Variants in RBBP6 observed in about 807,000 individuals in gnomAD.
RBBP6 encodes the protein RB binding protein 6, ubiquitin ligase.
RBBP6 carries 25 observed loss-of-function variants against 167.7 expected under a neutral mutation model. The observed-to-expected ratio is 0.15, with a 90% CI of 0.11 to 0.21. The LOEUF (loss-of-function observed/expected upper bound fraction) is 0.21, where lower values mean the gene tolerates loss of function less well. RBBP6 is among the 10% of genes least tolerant of loss of function. The probability of loss-of-function intolerance (pLI) is 1.00; values close to 1 mark genes in which losing one functional copy is unlikely to be tolerated. For synonymous variants in RBBP6, 789 were observed against 735.8 expected (o/e 1.07, Z -1.17); for missense variants, 1,868 against 2,134.2 (o/e 0.88, Z 2.46).
intron 10 of RBBP6, among the ~76,000 whole-genome samples, chr16:24,562,652 T>C (rs1002745991): frequency 6.6e-6 from 1 of 151,748 alleles, no homozygotes; most frequent in Non-Finnish European, 1.5e-5. Context: ...AATGAGACTT[T>C]TGTCCATGTA....
intron 1 of RBBP6, among the ~76,000 whole-genome samples, chr16:24,542,120 T>C (rs558476269): frequency 2.0e-5 from 3 of 152,310 alleles, no homozygotes; most frequent in African/African-American, 7.2e-5. Context: ...TCATACCCTT[T>C]GATAATTGGA....
At chr16:24,550,672 G>A (rs1251755324) in intron 3 of RBBP6, among the ~76,000 whole-genome samples, 1 of 150,808 alleles carries the variant, frequency 6.6e-6, no homozygotes, top group Non-Finnish European at 1.5e-5. Context: ...TGTGTGTTCC[G>A]GCATGTCTGT....
chr16:24,571,504 A>G lies in RBBP6; in HGVS notation c.4438A>G (p.Arg1480Gly), dbSNP rs780964432. Residue 1480 changes from arginine to glycine, a missense_variant, in exon 18 of 18, where the codon AGA (arginine) becomes GGA (glycine). Transcript: ENST00000319715. Reference sequence around the variant, plus strand: ...AGACAAAAAAACTGACTATGACACCAGAGAGTATTCAAGTTCCAAACGTAG... The same window carrying G: ...AGACAAAAAAACTGACTATGACACCGGAGAGTATTCAAGTTCCAAACGTAG... ...NRDKKTDYDT[R>G]EYSSSKRRDE... is the part of the protein sequence containing the mutation. 5 of 1,613,296 alleles carry G rather than the reference A, an allele frequency of 3.1e-6. No individual in the cohort carries two copies. Among genetic ancestry groups the G allele is most frequent in the Non-Finnish European group, 4.2e-6 (5 of 1,179,846 alleles).
At chr16:24,559,822 G>A (rs951961272) in intron 8 of RBBP6, 145 bp downstream of exon 8, 18 of 658,888 alleles carry the variant, frequency 2.7e-5, no homozygotes, top group Admixed American at 8.4e-5. Context: ...GTAGTGAGAA[G>A]TCTGTTTTTC....
At position 24,567,131 on chromosome 16, in the gene RBBP6, T is replaced by C. The variant is rs753065127; in HGVS notation, c.1590-12T>C. On this transcript the variant is annotated splice_polypyrimidine_tract_variant and intron_variant, in intron 14 of 17. Coordinates refer to ENST00000319715, the MANE Select transcript of RBBP6 (RefSeq NM_006910.5). ...GTTTGAAGAAGTAATATCTTGGAAT[T>C]TATTTTTCCAGAAGTATAAACCGTG... 1.1e-5 allele frequency: 17 copies of C among 1,601,988 alleles called. No individual in the cohort carries two copies. Among genetic ancestry groups the C allele is most frequent in the Non-Finnish European group, 1.4e-5 (16 of 1,170,946 alleles).
chr16:24,551,689 T>C (rs191137216), intron 3 of RBBP6, among the ~76,000 whole-genome samples: 2 of 151,840 alleles, frequency 1.3e-5, no homozygotes, highest in East Asian at 3.9e-4. Flanking sequence ...TTTTTTTTTA[T>C]TCTTAAGTTT....
intron 1 of RBBP6, among the ~76,000 whole-genome samples, chr16:24,543,835 T>TG (rs1294185534): frequency 6.6e-6 from 1 of 152,170 alleles, no homozygotes; most frequent in Non-Finnish European, 1.5e-5. Context: ...AAATGACCCT[T>TG]GTCACCTTTC....
chr16:24,562,365 G>A (rs557086009), intron 10 of RBBP6, among the ~76,000 whole-genome samples: 96 of 152,238 alleles, frequency 6.3e-4, no homozygotes, highest in Non-Finnish European at 1.2e-3. Context: ...AGCATCCTGA[G>A]GTCAAATACT....
At chr16:24,548,728 A>G (rs1898726254) in intron 2 of RBBP6, among the ~76,000 whole-genome samples, 1 of 152,146 alleles carries the variant, frequency 6.6e-6, no homozygotes. Flanking sequence ...CCTAGTATGG[A>G]ATTTTTTTCC....
chr16:24,570,216 G>A lies in RBBP6; in HGVS notation c.3526G>A (p.Val1176Met), dbSNP rs1230206395. The A allele has an allele frequency of 6.2e-7, 1 of 1,612,702 alleles. No individual in the cohort carries two copies. The highest frequency in any genetic ancestry group is 8.5e-7 in the Non-Finnish European group (1 of 1,179,726). The change falls in exon 17 of 18, where the codon GTG (valine) becomes ATG (methionine). Residue 1176 changes from valine (V) to methionine (M), a missense_variant. By Grantham distance (21) the Val-to-Met change is conservative. Around this residue, in one of 7 missense-constraint regions of RBBP6, gnomAD observed 673 missense variants for 691.5 expected, o/e 0.97. Transcript: ENST00000319715. ...CTCGAAACTAGAAGTGACTGAAATA[G>A]TGAAACCATCACCAAAGCGCAAAAT... is the stretch of plus-strand genomic sequence containing the variant. ...KISKLEVTEI[V>M]KPSPKRKMEP...
chr16:24,567,691 T>C (rs767168771), intron 15 of RBBP6, 101 bp from the exon 16 acceptor site: 4 of 1,285,678 alleles, frequency 3.1e-6, no homozygotes, highest in East Asian at 2.4e-5. Context: ...GGAAAACTAA[T>C]GGCAATTTCA....
intron 1 of RBBP6, among the ~76,000 whole-genome samples, chr16:24,545,597 A>G (rs964127019): frequency 3.9e-5 from 6 of 151,944 alleles, no homozygotes; most frequent in African/African-American, 1.5e-4. Context: ...TTTTTCCTGT[A>G]TCTGGCTGGG....
chr16:24,540,472 T>A lies in RBBP6; in HGVS notation c.-155T>A, dbSNP rs1252687220. On this transcript the variant is annotated 5_prime_UTR_variant, in exon 1 of 18. Transcript: ENST00000319715. ...CTGGATTATTGTTCTGACGAACCCC[T>A]GCTTGTGGTTGGGGGGTATTTAATC... is the stretch of plus-strand genomic sequence containing the variant. 3 of 626,190 alleles carry A rather than the reference T, an allele frequency of 4.8e-6. No individual in the cohort carries two copies. The African/African-American group carries it at 5.5e-5, about 12-fold the overall frequency. The allele number at this position is 626,190 out of a possible 1,614,324, so 38.8% of individuals were successfully genotyped here. A position where few individuals can be genotyped will look rare whatever the true frequency, so the allele number is the denominator to read the frequency against.
At chr16:24,563,708 C>T (rs770726072) in intron 13 of RBBP6, 44 bp downstream of exon 13, 1 of 1,578,496 alleles carries the variant, frequency 6.3e-7, no homozygotes, top group Admixed American at 1.7e-5. Context: ...TGCCTGCAAA[C>T]TAGATAATGG....
chr16:24,543,468 T>C (rs935186514), intron 1 of RBBP6, among the ~76,000 whole-genome samples: 2 of 151,982 alleles, frequency 1.3e-5, no homozygotes, highest in African/African-American at 4.8e-5. Flanking sequence ...AATTTTTTTT[T>C]ATTTTATTTT....
intron 8 of RBBP6, among the ~76,000 whole-genome samples, chr16:24,560,537 C>A (rs1231679110): frequency 6.6e-6 from 1 of 152,184 alleles, no homozygotes; most frequent in East Asian, 1.9e-4. Context: ...ATCAGTGTTA[C>A]CTGAAAATTT....
chr16:24,562,374 C>G (rs1172425766), intron 10 of RBBP6, among the ~76,000 whole-genome samples: 1 of 152,176 alleles, frequency 6.6e-6, no homozygotes, highest in Non-Finnish European at 1.5e-5. Flanking sequence ...AGGTCAAATA[C>G]TACACAGGTT....
rs199607513 is a variant in RBBP6, at chr16:24,563,264, C to T, written c.1355C>T (p.Ser452Leu). 6 of 1,611,146 alleles carry T rather than the reference C, an allele frequency of 3.7e-6. No individual in the cohort carries two copies. The Admixed American group carries it at 8.4e-5, about 22-fold the overall frequency. ...TCAGAGCACTCAAAGGGAACCTCCT[C>T]AATTGCAATTACCGCTCTTATGGAA... ...LASEHSKGTS[S>L]IAITALMEEK... The change falls in exon 11 of 18, where the codon TCA (serine) becomes TTA (leucine). Residue 452 changes from serine (S) to leucine (L), a missense_variant. Ser to Leu is a moderately radical substitution (Grantham distance 145). Around this residue, in one of 7 missense-constraint regions of RBBP6, gnomAD observed 245 missense variants for 240.1 expected, o/e 1.02. Transcript: ENST00000319715.
At position 24,563,492 on chromosome 16, in the gene RBBP6, C is replaced by T. The variant is rs751437532; in HGVS notation, c.1456C>T (p.Pro486Ser). 1.2e-6 allele frequency: 2 copies of T among 1,612,906 alleles called. No individual in the cohort carries two copies. Among genetic ancestry groups the T allele is most frequent in the Non-Finnish European group, 1.7e-6 (2 of 1,179,694 alleles). ...GQSLLHGQLIPTTGPVRINTA... is the reference protein window; with the variant it reads ...GQSLLHGQLISTTGPVRINTA... ...GTCATTATTGCATGGACAGTTGATC[C>T]CCACAACTGGTGAGTAAGATCACTT... is the stretch of plus-strand genomic sequence containing the variant. The change falls in exon 12 of 18, where the codon CCC becomes TCC. Residue 486 changes from proline (P) to serine (S), a missense_variant. This residue lies in a region of RBBP6 where 245 missense variants were observed against 240.1 expected (regional missense o/e 1.02). Transcript: ENST00000319715.
Sources: allele counts gnomAD v4.1 joint callset (sites outside exome capture counted in the v4.1 genomes callset), GRCh38; gene constraint gnomAD v4.1.1; regional missense constraint gnomAD v4.1.1; transcripts MANE v1.5; gene names NCBI Gene and HGNC (gene_info 2026-07-23, HGNC 2026-07-21).